The following TRPM3 variants were observed in gnomAD, a reference collection of about 807,000 sequenced individuals.
TRPM3 encodes the protein transient receptor potential cation channel subfamily M member 3, also known as long transient receptor potential channel 3.
In TRPM3, 77 loss-of-function variants were observed where a neutral mutation model predicts 181.2. That is an observed-to-expected ratio of 0.42 (90% CI 0.35 to 0.51). TRPM3 has a LOEUF of 0.51. TRPM3 is among the 20% of genes least tolerant of loss of function. The pLI, the probability that TRPM3 is intolerant of heterozygous loss-of-function variation, is 0.01. For synonymous variants in TRPM3, 745 were observed against 796.4 expected (o/e 0.94, Z 1.09); for missense variants, 1,759 against 2,196.7 (o/e 0.80, Z 3.98).
intron 1 of TRPM3, among the ~76,000 whole-genome samples, chr9:71,383,127 G>T (rs2092841259): frequency 6.6e-6 from 1 of 152,132 alleles, no homozygotes; most frequent in African/African-American, 2.4e-5. Context: ...GAGCATAAAA[G>T]GAATTATTTC....
intron 1 of TRPM3, among the ~76,000 whole-genome samples, chr9:71,340,751 C>T (rs563974307): frequency 1.3e-5 from 2 of 152,206 alleles, no homozygotes; most frequent in South Asian, 4.1e-4. Context: ...GGACTAAAAG[C>T]AGTGACACCC....
At chr9:70,545,951 T>A (rs933919317) in intron 25 of TRPM3, among the ~76,000 whole-genome samples, 1 of 152,198 alleles carries the variant, frequency 6.6e-6, no homozygotes, top group Non-Finnish European at 1.5e-5. Flanking sequence ...AGGTTGGGTG[T>A]AACCAGAGAA....
intron 1 of TRPM3, among the ~76,000 whole-genome samples, chr9:71,415,876 GAGA>G (rs2093629683): frequency 6.6e-6 from 1 of 151,850 alleles, no homozygotes; most frequent in African/African-American, 2.4e-5. Flanking sequence ...AAAAAAATGT[GAGA>G]AGATTATTTC....
chr9:71,321,102 C>T (rs1204571290), intron 1 of TRPM3, among the ~76,000 whole-genome samples: 1 of 152,128 alleles, frequency 6.6e-6, no homozygotes, highest in African/African-American at 2.4e-5. Context: ...CCTAACAAAT[C>T]AACCCATATG....
chr9:71,335,174 T>C (rs1269020685), intron 1 of TRPM3, among the ~76,000 whole-genome samples: 4 of 152,134 alleles, frequency 2.6e-5, no homozygotes, highest in Non-Finnish European at 4.4e-5. Context: ...GCATGAAACA[T>C]GGTCATGGCT....
At chr9:71,007,772 C>T (rs1038773318) in intron 1 of TRPM3, among the ~76,000 whole-genome samples, 7 of 152,018 alleles carry the variant, frequency 4.6e-5, no homozygotes, top group East Asian at 3.9e-4. Flanking sequence ...GGAATACAAC[C>T]GATCAAACAC....
chr9:70,752,111 T>C (rs895976458), intron 8 of TRPM3, among the ~76,000 whole-genome samples: 1 of 151,356 alleles, frequency 6.6e-6, no homozygotes, highest in African/African-American at 2.4e-5. Flanking sequence ...AATTTATCTA[T>C]AAGAGCAAAG....
At chr9:71,105,514 A>G (rs2069313071) in intron 1 of TRPM3, among the ~76,000 whole-genome samples, 1 of 152,010 alleles carries the variant, frequency 6.6e-6, no homozygotes, top group Non-Finnish European at 1.5e-5. Context: ...TCATGTTAGG[A>G]TTGGCTATTC....
intron 1 of TRPM3, among the ~76,000 whole-genome samples, chr9:70,891,487 T>C (rs1405426021): frequency 2.0e-5 from 3 of 152,140 alleles, no homozygotes; most frequent in South Asian, 2.1e-4. Context: ...AAAGCAGATA[T>C]GTGGGGTGAG....
intron 1 of TRPM3, among the ~76,000 whole-genome samples, chr9:71,269,903 A>G (rs1356091552): frequency 6.6e-6 from 1 of 152,164 alleles, no homozygotes; most frequent in Non-Finnish European, 1.5e-5. Flanking sequence ...ATTATTCAAC[A>G]AAGTAGAATA....
In TRPM3 at chr9:71,440,058, G is replaced by A. The variant is rs953618684; in HGVS notation, c.183+6595C>T. ...GAATGGCGTGAACCCAGGAGGCGAAGCTTGCAGTGAGCCGAGATTGAGCCA... is the reference window on the plus strand; with the variant it reads ...GAATGGCGTGAACCCAGGAGGCGAAACTTGCAGTGAGCCGAGATTGAGCCA... On this transcript the variant is annotated intron_variant, in intron 1 of 24. Coordinates refer to the TRPM3 transcript ENST00000357533. Among the ~76,000 whole-genome samples, 14 of 152,264 alleles carry A rather than the reference G, an allele frequency of 9.2e-5. No homozygotes were observed. In the East Asian group the frequency reaches 2.5e-3, roughly 27 times the overall value.
At chr9:70,761,271 G>GA (rs1158273452) in intron 8 of TRPM3, 1 of 596,420 alleles carries the variant, frequency 1.7e-6, no homozygotes, top group African/African-American at 1.9e-5. Flanking sequence ...AATGAAATCC[G>GA]AAACCTAAGA....
At chr9:71,378,136 G>C (rs1449512675) in intron 1 of TRPM3, among the ~76,000 whole-genome samples, 1 of 151,876 alleles carries the variant, frequency 6.6e-6, no homozygotes, top group African/African-American at 2.4e-5. Context: ...CAACCCTACA[G>C]AAAAATAAAG....
At chr9:71,424,613 A>T (rs1399804476) in intron 1 of TRPM3, among the ~76,000 whole-genome samples, 1 of 152,038 alleles carries the variant, frequency 6.6e-6, no homozygotes, top group African/African-American at 2.4e-5. Flanking sequence ...TTTTGTGTAT[A>T]ATTTTATTTT....
At chr9:71,325,602 A>C (rs1404295452) in intron 1 of TRPM3, among the ~76,000 whole-genome samples, 2 of 152,156 alleles carry the variant, frequency 1.3e-5, no homozygotes, top group Non-Finnish European at 2.9e-5. Context: ...CAGGTAAATA[A>C]ATGTGTGAGT....
intron 1 of TRPM3, among the ~76,000 whole-genome samples, chr9:71,056,585 TA>T (rs1225899805): frequency 1.3e-5 from 2 of 151,998 alleles, no homozygotes; most frequent in East Asian, 3.9e-4. Context: ...TAGGGTCTTA[TA>T]AAAATTATTA....
chr9:71,267,482 C>T (rs2083466696), intron 1 of TRPM3, among the ~76,000 whole-genome samples: 1 of 152,040 alleles, frequency 6.6e-6, no homozygotes, highest in Non-Finnish European at 1.5e-5. Context: ...TAAATGGGTG[C>T]TATTTCTCTA....
chr9:70,615,848 G>A (rs1399278101), intron 18 of TRPM3, 60 bp downstream of exon 18: 14 of 1,503,136 alleles, frequency 9.3e-6, no homozygotes, highest in Middle Eastern at 1.8e-4. Flanking sequence ...TGAGCATATC[G>A]GTGGGACAAG....
chr9:71,426,619 A>G (rs1222461605), intron 1 of TRPM3, among the ~76,000 whole-genome samples: 1 of 152,084 alleles, frequency 6.6e-6, no homozygotes, highest in African/African-American at 2.4e-5. Flanking sequence ...TGCCATTTAA[A>G]ATTATTAATT....
Sources: allele counts gnomAD v4.1 joint callset (sites outside exome capture counted in the v4.1 genomes callset), GRCh38; gene constraint gnomAD v4.1.1; transcripts MANE v1.5; gene names NCBI Gene and HGNC (gene_info 2026-07-23, HGNC 2026-07-21).